The following LCMT1 variants were observed in gnomAD, a reference collection of about 807,000 sequenced individuals.
LCMT1 encodes [Phosphatase 2A protein]-leucine-carboxy methyltransferase 1.
Under a neutral mutation model 47.7 loss-of-function variants are expected in LCMT1, and 32 were observed. The observed-to-expected ratio is 0.67, with a 90% CI of 0.51 to 0.90. LCMT1 has a LOEUF of 0.90. Ranked by LOEUF, LCMT1 falls within the 40% of genes least tolerant of loss-of-function variation. The pLI is 0.00. For missense variants in LCMT1, 375 were observed against 415.2 expected, an observed-to-expected ratio of 0.90 and a Z score of 0.84; for synonymous variants, 152 against 149.7, an observed-to-expected ratio of 1.02 and a Z score of -0.11.
chr16:25,148,829 A>C (rs544777296), intron 4 of LCMT1: 1 of 152,200 alleles, frequency 6.6e-6, no homozygotes, highest in Non-Finnish European at 1.5e-5. Context: ...TTGTGCTCCT[A>C]CCTGGCTCAC....
chr16:25,119,485 T>C (rs1458655667), intron 1 of LCMT1, among the ~76,000 whole-genome samples: 1 of 152,184 alleles, frequency 6.6e-6, no homozygotes. Context: ...TGTTCAAGAT[T>C]GTATTTCCTG....
chr16:25,134,141 G>C lies in LCMT1; in HGVS notation c.327+1618G>C, dbSNP rs970027727. On this transcript the variant is annotated intron_variant, in intron 3 of 10. Coordinates refer to ENST00000399069, the MANE Select transcript of LCMT1 (RefSeq NM_016309.3). ...TCCGTCATGTGACAGTAATGGGAACGTGCATTTCTCCAGATTTTTTGCGGA... is the reference window on the plus strand; with the variant it reads ...TCCGTCATGTGACAGTAATGGGAACCTGCATTTCTCCAGATTTTTTGCGGA... Among the ~76,000 whole-genome samples, 4 of 151,292 alleles carry C rather than the reference G, an allele frequency of 2.6e-5. No homozygotes were observed. The East Asian group carries it at 5.8e-4, about 22-fold the overall frequency.
chr16:25,152,143 C>G (rs904477167), intron 5 of LCMT1, among the ~76,000 whole-genome samples: 1 of 152,104 alleles, frequency 6.6e-6, no homozygotes, highest in Non-Finnish European at 1.5e-5. Flanking sequence ...CAGAACCACT[C>G]CCTGTTCTGT....
chr16:25,164,579 T>A lies in LCMT1; in HGVS notation c.570-19T>A, dbSNP rs752358852. ...TTGATGATAACAAATTTATGTGCCT[T>A]TTTTTCCTTATCTTTAAGATTGCCA... is the stretch of plus-strand genomic sequence containing the variant. On this transcript the variant is annotated intron_variant, in intron 6 of 10. Transcript: ENST00000399069. The A allele has an allele frequency of 2.5e-6, 4 of 1,613,750 alleles. No homozygotes were observed. The highest frequency in any genetic ancestry group is 3.4e-6 in the Non-Finnish European group (4 of 1,179,814).
chr16:25,162,450 C>T (rs767079089), intron 6 of LCMT1, among the ~76,000 whole-genome samples: 13 of 151,678 alleles, frequency 8.6e-5, no homozygotes, highest in East Asian at 3.9e-4. Context: ...ATCAGCTGGG[C>T]GTGGTGGTGG....
At chr16:25,144,812 T>C (rs1264808310) in intron 4 of LCMT1, 1 of 152,184 alleles carries the variant, frequency 6.6e-6, no homozygotes, top group South Asian at 2.1e-4. Context: ...TTTCGAAAAA[T>C]GAGCCACTGG....
intron 2 of LCMT1, 109 bp from the exon 3 acceptor site, chr16:25,132,293 A>G (rs1960370830): frequency 1.5e-6 from 2 of 1,337,588 alleles, no homozygotes; most frequent in Non-Finnish European, 1.0e-6. Context: ...CTGACACTGC[A>G]GAAGGGCGCA....
chr16:25,154,166 C>T (rs531322326), intron 5 of LCMT1, among the ~76,000 whole-genome samples: 6 of 151,748 alleles, frequency 4.0e-5, no homozygotes, highest in Admixed American at 6.6e-5. Context: ...CGCGCCACCA[C>T]GCCTGGCTAA....
intron 1 of LCMT1, among the ~76,000 whole-genome samples, chr16:25,123,346 T>C (rs149050843): frequency 0.015 from 2,295 of 149,440 alleles, 54 homozygotes; most frequent in African/African-American, 0.054. Context: ...TGCCTTAGCC[T>C]CTTGAGAAGC....
intron 5 of LCMT1, among the ~76,000 whole-genome samples, chr16:25,156,768 TTC>T (rs1297182953): frequency 6.6e-6 from 1 of 152,172 alleles, no homozygotes; most frequent in Non-Finnish European, 1.5e-5. Flanking sequence ...CTTGCCCTTG[TTC>T]TCTCTCTTTC....
At chr16:25,153,689 A>G (rs1369430481) in intron 5 of LCMT1, among the ~76,000 whole-genome samples, 1 of 152,128 alleles carries the variant, frequency 6.6e-6, no homozygotes, top group African/African-American at 2.4e-5. Context: ...GTGGTGGCTC[A>G]CGCCTGTAAT....
intron 3 of LCMT1, among the ~76,000 whole-genome samples, chr16:25,138,298 G>A (rs1251133407): frequency 6.6e-6 from 1 of 152,160 alleles, no homozygotes; most frequent in Non-Finnish European, 1.5e-5. Context: ...GCAGCTTTGA[G>A]ACACCAGAGG....
At chr16:25,162,285 C>T (rs1298619102) in intron 6 of LCMT1, among the ~76,000 whole-genome samples, 2 of 152,112 alleles carry the variant, frequency 1.3e-5, no homozygotes, top group Non-Finnish European at 2.9e-5. Context: ...TCTGTTTCCT[C>T]TTCGGAAAAA....
intron 8 of LCMT1, chr16:25,169,486 A>T (rs964653455): frequency 3.3e-6 from 1 of 298,884 alleles, no homozygotes. Context: ...ATAAACACAC[A>T]CGTCTCATCA....
chr16:25,166,262 G>A (rs1313013807), intron 7 of LCMT1, among the ~76,000 whole-genome samples: 4 of 132,816 alleles, frequency 3.0e-5, no homozygotes, highest in African/African-American at 5.7e-5. Context: ...CGAGCGAGAC[G>A]CCATCTCAAA....
chr16:25,127,216 A>AT (rs1960216714), intron 1 of LCMT1, among the ~76,000 whole-genome samples: 1 of 152,154 alleles, frequency 6.6e-6, no homozygotes, highest in Admixed American at 6.5e-5. Context: ...TTTTTATTTT[A>AT]CTTGGTTCAA....
chr16:25,132,455 A>G lies in LCMT1; in HGVS notation c.259A>G (p.Lys87Glu). ...TCAGCTTATAAAGGCATTTCTACGG[A>G]AGACAGAATGTCATTGTCAAATTGT... is the stretch of plus-strand genomic sequence containing the variant. ...VSQLIKAFLR[K>E]TECHCQIVNL... The change falls in exon 3 of 11, where the codon AAG becomes GAG. Residue 87 changes from lysine (K) to glutamate (E), a missense_variant. Coordinates refer to ENST00000399069, the MANE Select transcript of LCMT1 (RefSeq NM_016309.3). The G allele has an allele frequency of 6.2e-7, 1 of 1,613,924 alleles. No homozygotes were observed. The highest frequency in any genetic ancestry group is 8.5e-7 in the Non-Finnish European group (1 of 1,179,844).
At chr16:25,151,146 A>G (rs537431714) in intron 4 of LCMT1, among the ~76,000 whole-genome samples, 32 of 152,362 alleles carry the variant, frequency 2.1e-4, no homozygotes, top group Non-Finnish European at 3.5e-4. Flanking sequence ...TCTTCTGGCT[A>G]CCTGTTACAA....
intron 5 of LCMT1, among the ~76,000 whole-genome samples, chr16:25,156,767 G>T (rs768125901): frequency 1.2e-4 from 19 of 152,118 alleles, no homozygotes; most frequent in Non-Finnish European, 1.8e-4. Context: ...ACTTGCCCTT[G>T]TTCTCTCTCT....
Sources: gnomAD v4.1 joint callset for allele counts (sites outside exome capture counted in the v4.1 genomes callset) on GRCh38, gnomAD v4.1.1 for gene constraint, MANE v1.5 for transcripts, NCBI Gene and HGNC (gene_info 2026-07-23, HGNC 2026-07-21) for gene names.